The following RPH3AL variants were observed in gnomAD, a reference collection of about 807,000 sequenced individuals.
RPH3AL encodes rabphilin 3A like (without C2 domains).
RPH3AL carries 38 observed loss-of-function variants against 43.1 expected under a neutral mutation model. The ratio of observed to expected loss-of-function variants is 0.88; its 90% CI spans 0.68 to 1.15. RPH3AL has a LOEUF of 1.15. Ranked by LOEUF, RPH3AL falls within the 50% of genes most tolerant of loss-of-function variation. The probability of loss-of-function intolerance (pLI) is 0.00; values close to 1 mark genes in which losing one functional copy is unlikely to be tolerated. For missense variants in RPH3AL, 462 were observed against 423.2 expected (o/e 1.09, Z -0.81); for synonymous variants, 189 against 176.3 (o/e 1.07, Z -0.57).
intron 6 of RPH3AL, among the ~76,000 whole-genome samples, chr17:251,505 A>G (rs1555542568): frequency 6.6e-6 from 1 of 152,180 alleles, no homozygotes; most frequent in African/African-American, 2.4e-5. Flanking sequence ...AGTCTCACCC[A>G]ACAGTTTACA....
intron 3 of RPH3AL, among the ~76,000 whole-genome samples, chr17:326,000 A>T (rs11654775): frequency 6.6e-6 from 1 of 152,154 alleles, no homozygotes; most frequent in African/African-American, 2.4e-5. Context: ...TGCTGCTGAG[A>T]GAGAGAGAAG....
intron 7 of RPH3AL, chr17:234,456 G>A (rs1312624653): frequency 7.3e-6 from 1 of 136,406 alleles, no homozygotes; most frequent in Non-Finnish European, 1.5e-5. Flanking sequence ...TTCCACAAAG[G>A]AAGCCAGAGC....
At chr17:317,097 G>C (rs1277452716) in intron 5 of RPH3AL, among the ~76,000 whole-genome samples, 2 of 142,498 alleles carry the variant, frequency 1.4e-5, no homozygotes, top group Non-Finnish European at 3.0e-5. Flanking sequence ...CACCTCCAGT[G>C]ACCTGTAGTC....
chr17:333,011 G>T lies in RPH3AL; in HGVS notation c.-37+748C>A. 7.8e-7 allele frequency: 1 copy of T among 1,286,966 alleles called. No individual in the cohort carries two copies. The highest frequency in any genetic ancestry group is 1.0e-6 in the Non-Finnish European group (1 of 986,852). The allele number at this position is 1,286,966 out of a possible 1,614,324, so 79.7% of individuals were successfully genotyped here. On this transcript the variant is annotated intron_variant, in intron 2 of 9. Transcript: ENST00000331302. The surrounding 1 kb of genome is among the most constrained non-coding windows in gnomAD (Gnocchi z 4.5). ...AGGGGACAGAGGCTCATCAGCCCCA[G>T]GCAACTTCCTGAGACAGATCGGTAA...
chr17:314,565 C>A (rs1423301610), intron 5 of RPH3AL, among the ~76,000 whole-genome samples: 2 of 143,506 alleles, frequency 1.4e-5, no homozygotes, highest in Non-Finnish European at 1.6e-5. Flanking sequence ...CTGTGCCCCA[C>A]CTCCACTGAC....
In RPH3AL at chr17:235,443, A is replaced by AC. The variant is rs1306930251; in HGVS notation, c.613+11667_613+11668insG. Among the ~76,000 whole-genome samples, 29 of 136,380 alleles carry AC rather than the reference A, an allele frequency of 2.1e-4. 1 individual carries two copies. Among genetic ancestry groups the AC allele is most frequent in the Non-Finnish European group, 2.7e-4 (17 of 63,164 alleles). 89.5% of individuals were successfully genotyped at this position (136,380 alleles called of 152,430 possible). ...TCGGCCGAGGCTCTGCAGTAACAAG[A>AC]GGGATGCAGGGTTCAAAGCTGGGGT... On this transcript the variant is annotated intron_variant, in intron 7 of 9. Coordinates refer to ENST00000331302, the MANE Select transcript of RPH3AL (RefSeq NM_006987.4).
At chr17:262,372 G>C (rs1447132109) in intron 6 of RPH3AL, among the ~76,000 whole-genome samples, 5 of 152,080 alleles carry the variant, frequency 3.3e-5, no homozygotes, top group Admixed American at 6.5e-5. Flanking sequence ...CCCGCCACCA[G>C]GCCCGGCTAA....
chr17:213,910 GGT>G lies in RPH3AL; in HGVS notation c.888_889del (p.Pro297TrpfsTer7), dbSNP rs1205643251. 6.2e-7 allele frequency: 1 copy of G among 1,613,202 alleles called. No homozygotes were observed. The highest frequency in any genetic ancestry group is 8.5e-7 in the Non-Finnish European group (1 of 1,179,814). On this transcript the variant is annotated frameshift_variant, in exon 10 of 10. Coordinates refer to ENST00000331302, the MANE Select transcript of RPH3AL (RefSeq NM_006987.4). LOFTEE classifies it high-confidence loss of function. Reference sequence around the variant, plus strand: ...TGCGTCAGCAGCGGGGGCTCGTCCAGGTGTGTCTTTTACCTTTGGATGAGAGA... The same window carrying G: ...TGCGTCAGCAGCGGGGGCTCGTCCAGGTGTCTTTTACCTTTGGATGAGAGA...
intron 8 of RPH3AL, among the ~76,000 whole-genome samples, chr17:218,974 T>C (rs1022858999): frequency 6.6e-6 from 1 of 151,378 alleles, no homozygotes. Flanking sequence ...ATGGGAGGAG[T>C]CCCAGGTATG....
intron 2 of RPH3AL, chr17:332,787 T>G (rs900531084): frequency 1.6e-5 from 5 of 319,768 alleles, no homozygotes; most frequent in African/African-American, 1.1e-4. Context: ...GAGCCTCCTC[T>G]GGGAAGCTGA....
At position 346,328 on chromosome 17, in the gene RPH3AL, T is replaced by C. The variant is rs574236266; in HGVS notation, c.-213+6384A>G. On this transcript the variant is annotated intron_variant, in intron 1 of 9. Transcript: ENST00000331302. The stretch of plus-strand genomic sequence containing the variant: ...TGTTAGTCCGTTTTCACGCTGCTGA[T>C]AAGGCATACCCAAGACTGGGCAATT... Among the ~76,000 whole-genome samples, 28 of 135,224 alleles carry C rather than the reference T, an allele frequency of 2.1e-4. 8 individuals carry two copies. The highest frequency in any genetic ancestry group is 3.5e-4 in the Non-Finnish European group (21 of 59,398). The allele number at this position is 135,224 out of a possible 152,430, so 88.7% of individuals were successfully genotyped here. A position where few individuals can be genotyped will look rare whatever the true frequency, so the allele number is the denominator to read the frequency against.
intron 5 of RPH3AL, among the ~76,000 whole-genome samples, chr17:317,599 G>A (rs181051003): frequency 2.8e-4 from 43 of 152,082 alleles, no homozygotes; most frequent in African/African-American, 6.5e-4. Context: ...GGAGGAGCCC[G>A]CACAGTCTTA....
rs992639144 is a variant in RPH3AL at position 266,227 on chromosome 17, T to C, written c.438+15541A>G. Among the ~76,000 whole-genome samples the C allele has an allele frequency of 6.6e-5, 10 of 151,870 alleles. 1 individual carries two copies. The highest frequency in any genetic ancestry group is 5.8e-4 in the East Asian group (3 of 5,180). ...TGGTGTGTGTGTGTGTGTGTGTGTGTGTGCGTGCACCTGCATGCATGCTGG... is the reference window on the plus strand; with the variant it reads ...TGGTGTGTGTGTGTGTGTGTGTGTGCGTGCGTGCACCTGCATGCATGCTGG... On this transcript the variant is annotated intron_variant, in intron 6 of 9. Transcript: ENST00000331302.
intron 3 of RPH3AL, 146 bp from the exon 4 acceptor site, chr17:321,561 T>TGGCCCAGGTGGCAACAGAGAC (rs1567521569): frequency 2.9e-6 from 2 of 699,598 alleles, no homozygotes; most frequent in Non-Finnish European, 4.1e-6. Flanking sequence ...GCAGCAGAGA[T>TGGCCCAGGTGGCAACAGAGAC]GGCCCAGGTG....
chr17:277,852 G>T (rs1349205726), intron 6 of RPH3AL, among the ~76,000 whole-genome samples: 7 of 152,124 alleles, frequency 4.6e-5, no homozygotes, highest in Non-Finnish European at 1.0e-4. Flanking sequence ...CTATTCGGGA[G>T]GCTGAGGGGG....
chr17:260,563 A>C (rs1237325379), intron 6 of RPH3AL, among the ~76,000 whole-genome samples: 1 of 152,152 alleles, frequency 6.6e-6, no homozygotes, highest in Non-Finnish European at 1.5e-5. Flanking sequence ...CTCCAGACTG[A>C]ATCAGTCTTG....
rs542422818 is a variant in RPH3AL, at chr17:280,510, C to G, written c.438+1258G>C. On this transcript the variant is annotated intron_variant, in intron 6 of 9. Coordinates refer to ENST00000331302, the MANE Select transcript of RPH3AL (RefSeq NM_006987.4). ...GATGCCTGGCTCAGCACTGGGCAACCCCAGACCCAGCGGGAGGCAGCTGCA... is the reference window on the plus strand; with the variant it reads ...GATGCCTGGCTCAGCACTGGGCAACGCCAGACCCAGCGGGAGGCAGCTGCA... Among the ~76,000 whole-genome samples the G allele has an allele frequency of 5.3e-5, 8 of 152,308 alleles. No individual in the cohort carries two copies. The South Asian group carries it at 1.5e-3, about 28-fold the overall frequency.
chr17:352,751 G>A lies in RPH3AL; in HGVS notation c.-252C>T, dbSNP rs989635394. On this transcript the variant is annotated 5_prime_UTR_variant, in exon 1 of 10. Transcript: ENST00000331302. Reference sequence around the variant, plus strand: ...CTTCACCCAGACAGGCCCCACCAGGGAGGAGGAGGCCGCTCTCCCTCCCAC... The same window carrying A: ...CTTCACCCAGACAGGCCCCACCAGGAAGGAGGAGGCCGCTCTCCCTCCCAC... 3 of 152,216 alleles carry A rather than the reference G, an allele frequency of 2.0e-5. No homozygotes were observed. Among genetic ancestry groups the A allele is most frequent in the Non-Finnish European group, 2.9e-5 (2 of 68,056 alleles). The allele number at this position is 152,216 out of a possible 1,614,324, so 9.4% of individuals were successfully genotyped here.
rs1358138316 is a variant in RPH3AL, at chr17:250,589, G to A, written c.439-3304C>T. Among the ~76,000 whole-genome samples, 28 of 75,296 alleles carry A rather than the reference G, an allele frequency of 3.7e-4. 2 individuals are homozygous for A. Among genetic ancestry groups the A allele is most frequent in the Non-Finnish European group, 7.3e-4 (24 of 32,654 alleles). The allele number at this position is 75,296 out of a possible 152,430, so 49.4% of individuals were successfully genotyped here. The stretch of plus-strand genomic sequence containing the variant: ...AGTCTTTACTAAGCTCTATCACTGC[G>A]GGACCTCTCAGGGCCTTTACTAAGC... On this transcript the variant is annotated intron_variant, in intron 6 of 9. Coordinates refer to ENST00000331302, the MANE Select transcript of RPH3AL (RefSeq NM_006987.4).
Sources: allele counts gnomAD v4.1 joint callset (sites outside exome capture counted in the v4.1 genomes callset), GRCh38; gene constraint gnomAD v4.1.1; non-coding constraint Gnocchi (gnomAD v3.1); transcripts MANE v1.5; gene names NCBI Gene and HGNC (gene_info 2026-07-23, HGNC 2026-07-21).